The following ARL15 variants were observed in gnomAD, a reference collection of about 807,000 sequenced individuals.
ARL15 encodes the protein ADP-ribosylation factor-like protein 15.
In ARL15, 19 loss-of-function variants were observed where a neutral mutation model predicts 25.2. The ratio of observed to expected loss-of-function variants is 0.75; its 90% CI spans 0.53 to 1.10. The LOEUF (loss-of-function observed/expected upper bound fraction) is 1.10. Ranked by LOEUF, ARL15 falls within the 50% of genes least tolerant of loss-of-function variation. The pLI is 0.00. For synonymous variants in ARL15, 94 were observed against 86.8 expected, an observed-to-expected ratio of 1.08 and a Z score of -0.46; for missense variants, 220 against 246.0, an observed-to-expected ratio of 0.89 and a Z score of 0.71.
intron 2 of ARL15, among the ~76,000 whole-genome samples, chr5:54,170,824 T>G (rs1367168746): frequency 6.6e-6 from 1 of 152,206 alleles, no homozygotes; most frequent in Non-Finnish European, 1.5e-5. Context: ...CCTGGAATGC[T>G]GAAATCATCG....
At chr5:54,260,887 A>C (rs1757482946) in intron 1 of ARL15, among the ~76,000 whole-genome samples, 1 of 152,204 alleles carries the variant, frequency 6.6e-6, no homozygotes, top group African/African-American at 2.4e-5. Flanking sequence ...CAATCCCCCA[A>C]GTATCCCAAT....
intron 4 of ARL15, among the ~76,000 whole-genome samples, chr5:53,996,904 C>T (rs939928466): frequency 2.0e-5 from 3 of 152,152 alleles, no homozygotes; most frequent in Non-Finnish European, 4.4e-5. Context: ...ACAGGCTCAA[C>T]ATATCTAAAA....
At chr5:54,156,601 A>G (rs1754241040) in intron 2 of ARL15, among the ~76,000 whole-genome samples, 1 of 152,242 alleles carries the variant, frequency 6.6e-6, no homozygotes, top group Admixed American at 6.5e-5. Context: ...TGTAAAAGTT[A>G]CCATTGAATG....
chr5:53,934,289 C>T (rs952060653), intron 4 of ARL15, among the ~76,000 whole-genome samples: 3 of 152,260 alleles, frequency 2.0e-5, no homozygotes, highest in East Asian at 1.9e-4. Context: ...GCAGAATTCC[C>T]GGATGCTGGG....
At chr5:54,122,666 G>C (rs1312311364) in intron 3 of ARL15, among the ~76,000 whole-genome samples, 1 of 152,052 alleles carries the variant, frequency 6.6e-6, no homozygotes, top group Non-Finnish European at 1.5e-5. Flanking sequence ...GCCATTTGTA[G>C]GCAAGTACTC....
intron 1 of ARL15, among the ~76,000 whole-genome samples, chr5:54,256,611 TA>T (rs71600817): frequency 0.16 from 18,036 of 112,370 alleles, 1,312 homozygotes; most frequent in East Asian, 0.44. Flanking sequence ...TGAAAGAATG[TA>T]AAAAAAAAAA....
chr5:54,106,549 C>T (rs1752594890), intron 4 of ARL15, among the ~76,000 whole-genome samples: 1 of 152,100 alleles, frequency 6.6e-6, no homozygotes, highest in African/African-American at 2.4e-5. Flanking sequence ...TATGCACATC[C>T]TCCCATATAC....
At chr5:54,017,115 C>G (rs905241849) in intron 4 of ARL15, among the ~76,000 whole-genome samples, 1 of 152,180 alleles carries the variant, frequency 6.6e-6, no homozygotes, top group African/African-American at 2.4e-5. Flanking sequence ...TCTGTTGAAA[C>G]TGAAACATCA....
chr5:53,935,367 C>CA (rs201795302), intron 4 of ARL15, among the ~76,000 whole-genome samples: 62 of 152,012 alleles, frequency 4.1e-4, no homozygotes, highest in East Asian at 1.2e-3. Context: ...ACTTGAATAA[C>CA]AAAAAAGAAA....
At chr5:54,310,356 G>T (rs1321903166) in intron 1 of ARL15, 76 bp downstream of exon 1, 2 of 1,490,512 alleles carry the variant, frequency 1.3e-6, no homozygotes, top group Non-Finnish European at 9.1e-7. Flanking sequence ...AAGCAAAAAG[G>T]CTGCTCCTCA....
At chr5:54,202,864 T>C (rs547771858) in intron 1 of ARL15, among the ~76,000 whole-genome samples, 1 of 141,712 alleles carries the variant, frequency 7.1e-6, no homozygotes, top group East Asian at 1.9e-4. Context: ...CTTTCATGAA[T>C]AAAATCAATA....
intron 4 of ARL15, among the ~76,000 whole-genome samples, chr5:53,918,836 A>G (rs988105958): frequency 3.3e-5 from 5 of 152,020 alleles, no homozygotes; most frequent in Non-Finnish European, 7.4e-5. Flanking sequence ...ACAGTAAAAA[A>G]AAAAGCTGCA....
chr5:54,209,667 G>A lies in ARL15; in HGVS notation c.49-37739C>T, dbSNP rs139931307. ...CTTTTTAAAGGACTATTTTGAGGTC[G>A]TCTTTAGCTTAAAGCACATATAATG... On this transcript the variant is annotated intron_variant, in intron 1 of 4. Coordinates refer to ENST00000504924, the MANE Select transcript of ARL15 (RefSeq NM_019087.3). Among the ~76,000 whole-genome samples, 9 of 151,304 alleles carry A rather than the reference G, an allele frequency of 5.9e-5. No homozygotes were observed. The East Asian group carries it at 9.7e-4, about 16-fold the overall frequency.
intron 4 of ARL15, among the ~76,000 whole-genome samples, chr5:54,003,285 A>G (rs940513651): frequency 6.6e-6 from 1 of 152,226 alleles, no homozygotes; most frequent in Non-Finnish European, 1.5e-5. Context: ...ATGACACATA[A>G]GTATGAATGA....
chr5:54,158,360 C>T (rs1386584835), intron 2 of ARL15, among the ~76,000 whole-genome samples: 1 of 152,162 alleles, frequency 6.6e-6, no homozygotes, highest in Non-Finnish European at 1.5e-5. Flanking sequence ...AGTACCCCTC[C>T]TAGGTGATTT....
At chr5:54,196,065 T>G (rs74939943) in intron 1 of ARL15, among the ~76,000 whole-genome samples, 2,739 of 152,290 alleles carry the variant, frequency 0.018, 37 homozygotes, top group Non-Finnish European at 0.025. Flanking sequence ...AATGTCAGCA[T>G]AGAATTCTAT....
chr5:54,107,699 T>C (rs1360351209), intron 4 of ARL15, among the ~76,000 whole-genome samples: 2 of 152,160 alleles, frequency 1.3e-5, no homozygotes, highest in African/African-American at 2.4e-5. Context: ...AATGAAGATA[T>C]GTATGTGACT....
chr5:54,297,800 T>C (rs957523393), intron 1 of ARL15, among the ~76,000 whole-genome samples: 1 of 152,180 alleles, frequency 6.6e-6, no homozygotes, highest in African/African-American at 2.4e-5. Context: ...TCTTTTTTTT[T>C]GAGACGGAGT....
intron 4 of ARL15, among the ~76,000 whole-genome samples, chr5:54,082,935 C>G (rs1751849976): frequency 6.6e-6 from 1 of 152,094 alleles, no homozygotes; most frequent in African/African-American, 2.4e-5. Flanking sequence ...ATTTCTGACT[C>G]TGGAGGAGTG....
Sources: allele counts gnomAD v4.1 joint callset (sites outside exome capture counted in the v4.1 genomes callset), GRCh38; gene constraint gnomAD v4.1.1; transcripts MANE v1.5; gene names NCBI Gene and HGNC (gene_info 2026-07-23, HGNC 2026-07-21).